Variants in DCHS2 observed in about 807,000 individuals in gnomAD.
The protein encoded by DCHS2 is dachsous cadherin-related 2.
Under a neutral mutation model 182.4 loss-of-function variants are expected in DCHS2, and 142 were observed. The ratio of observed to expected loss-of-function variants is 0.78; its 90% CI spans 0.68 to 0.89. DCHS2 has a LOEUF of 0.89. DCHS2 is among the 40% of genes least tolerant of loss of function. The probability of loss-of-function intolerance (pLI) is 0.00; values close to 1 mark genes in which losing one functional copy is unlikely to be tolerated. For synonymous variants in DCHS2, 1,740 were observed against 1,663.3 expected (o/e 1.05, Z -1.12); for missense variants, 4,319 against 4,198.6 (o/e 1.03, Z -0.79).
At chr4:154,430,064 G>A (rs1018719493) in intron 1 of DCHS2, among the ~76,000 whole-genome samples, 2 of 152,192 alleles carry the variant, frequency 1.3e-5, no homozygotes, top group African/African-American at 2.4e-5. Flanking sequence ...AGTAATGTAG[G>A]TGTCTCCTAA....
intron 1 of DCHS2, among the ~76,000 whole-genome samples, chr4:154,442,666 G>C (rs1420362709): frequency 6.6e-6 from 1 of 151,278 alleles, no homozygotes; most frequent in East Asian, 2.0e-4. Flanking sequence ...CCTCTTTGCT[G>C]CTTCCAAGCT....
intron 14 of DCHS2, among the ~76,000 whole-genome samples, chr4:154,262,605 G>A (rs1332757990): frequency 1.3e-5 from 2 of 152,124 alleles, no homozygotes; most frequent in Non-Finnish European, 2.9e-5. Context: ...TTTTGACAAA[G>A]TTATGAAATA....
chr4:154,333,512 GA>G lies in DCHS2; in HGVS notation c.2714-19del. On this transcript the variant is annotated intron_variant, in intron 4 of 19. Coordinates refer to ENST00000357232, the MANE Select transcript of DCHS2 (RefSeq NM_001358235.2). ...TGAGGAGTCTGAAAAAGAGAGAGGG[GA>G]CAACCACTGTATGTCAAAAGGGTGG... is the stretch of plus-strand genomic sequence containing the variant. 1 of 1,590,894 alleles carries G rather than the reference GA, an allele frequency of 6.3e-7. No individual in the cohort carries two copies. The highest frequency in any genetic ancestry group is 1.7e-4 in the Middle Eastern group (1 of 5,982).
In DCHS2 at chr4:154,334,919, C is replaced by T. The variant is rs750432736; in HGVS notation, c.2662G>A (p.Asp888Asn). Residue 888 changes from aspartate to asparagine, a missense_variant, in exon 4 of 20, where the codon GAT (aspartate) becomes AAT (asparagine). Asp to Asn is a conservative substitution (Grantham distance 23). Coordinates refer to ENST00000357232, the MANE Select transcript of DCHS2 (RefSeq NM_001358235.2). The part of the protein sequence containing the change: ...RPKYTFLVYE[D>N]VPEDSPIGTV... ...CCAATGGGACTATCTTCAGGCACAT[C>T]TTCATAAACTAAGAAAGTGTACTTA... 2 of 1,614,080 alleles carry T rather than the reference C, an allele frequency of 1.2e-6. No individual in the cohort carries two copies. Among genetic ancestry groups the T allele is most frequent in the African/African-American group, 1.3e-5 (1 of 74,934 alleles).
intron 1 of DCHS2, among the ~76,000 whole-genome samples, chr4:154,451,235 A>G (rs1453311769): frequency 6.6e-6 from 1 of 152,204 alleles, no homozygotes; most frequent in Non-Finnish European, 1.5e-5. Context: ...TAGGTGAATC[A>G]CAGCACAAGC....
intron 1 of DCHS2, among the ~76,000 whole-genome samples, chr4:154,393,160 G>A (rs2110853447): frequency 6.6e-6 from 1 of 152,286 alleles, no homozygotes; most frequent in East Asian, 1.9e-4. Context: ...ACAGCTATAT[G>A]ATTAATACCT....
intron 15 of DCHS2, among the ~76,000 whole-genome samples, chr4:154,256,926 C>T (rs1732707664): frequency 6.6e-6 from 1 of 152,100 alleles, no homozygotes; most frequent in Non-Finnish European, 1.5e-5. Context: ...CCTTTGGGAT[C>T]ACCAAGAAAA....
At chr4:154,384,767 C>T (rs939919085) in intron 1 of DCHS2, among the ~76,000 whole-genome samples, 1 of 152,002 alleles carries the variant, frequency 6.6e-6, no homozygotes. Context: ...TCAAGGAACA[C>T]CGACAGCCAC....
intron 1 of DCHS2, among the ~76,000 whole-genome samples, chr4:154,432,787 C>T (rs892876546): frequency 1.3e-5 from 2 of 152,160 alleles, no homozygotes; most frequent in Non-Finnish European, 2.9e-5. Flanking sequence ...GGTTCCTTTG[C>T]TTCTGGAGTG....
chr4:154,367,328 C>A (rs1165524368), intron 2 of DCHS2, among the ~76,000 whole-genome samples: 1 of 152,124 alleles, frequency 6.6e-6, no homozygotes, highest in Non-Finnish European at 1.5e-5. Flanking sequence ...CAGGAGGAGG[C>A]TCTTTGAATC....
At chr4:154,309,597 A>T (rs1735593356) in intron 10 of DCHS2, among the ~76,000 whole-genome samples, 1 of 152,170 alleles carries the variant, frequency 6.6e-6, no homozygotes, top group Non-Finnish European at 1.5e-5. Flanking sequence ...ACCTGTTTGT[A>T]GCATCTATTC....
chr4:154,235,878 A>T lies in DCHS2; in HGVS notation c.8774T>A (p.Phe2925Tyr). 1 of 1,614,076 alleles carries T rather than the reference A, an allele frequency of 6.2e-7. No homozygotes were observed. The highest frequency in any genetic ancestry group is 1.1e-5 in the South Asian group (1 of 91,084). The change falls in exon 20 of 20, where the codon TTC becomes TAC. Residue 2925 changes from phenylalanine to tyrosine, a missense_variant. Phe to Tyr is a conservative substitution (Grantham distance 22). Coordinates refer to ENST00000357232, the MANE Select transcript of DCHS2 (RefSeq NM_001358235.2). ...ILYSLGTSSP[F>Y]FSVNKTNGNI... is the part of the protein sequence containing the mutation. ...TCCATTGGTTTTATTTACTGAAAAGAAAGGAGATGAGGTTCCAAGGGAGTA... is the reference window on the plus strand; with the variant it reads ...TCCATTGGTTTTATTTACTGAAAAGTAAGGAGATGAGGTTCCAAGGGAGTA...
intron 14 of DCHS2, among the ~76,000 whole-genome samples, chr4:154,263,780 T>A (rs1183815027): frequency 6.6e-6 from 1 of 151,576 alleles, no homozygotes; most frequent in African/African-American, 2.4e-5. Context: ...GTGTAGATAT[T>A]AAAGAACAAA....
intron 2 of DCHS2, chr4:154,373,804 A>T: frequency 1.3e-6 from 1 of 794,258 alleles, no homozygotes; most frequent in Non-Finnish European, 2.1e-6. Context: ...AATCACAGCC[A>T]AGATGGAGAA....
chr4:154,486,430 T>C (rs1381205049), intron 1 of DCHS2: 1 of 1,304,624 alleles, frequency 7.7e-7, no homozygotes, highest in Non-Finnish European at 1.0e-6. Flanking sequence ...CATGGTATTA[T>C]CTTACAGGAA....
At chr4:154,402,075 A>C (rs752350456) in intron 1 of DCHS2, among the ~76,000 whole-genome samples, 1 of 152,226 alleles carries the variant, frequency 6.6e-6, no homozygotes, top group Admixed American at 6.5e-5. Flanking sequence ...ATTAATTTTC[A>C]TGTACAGTGT....
intron 1 of DCHS2, among the ~76,000 whole-genome samples, chr4:154,457,830 T>G (rs1484231064): frequency 6.6e-6 from 1 of 152,142 alleles, no homozygotes; most frequent in Non-Finnish European, 1.5e-5. Flanking sequence ...GCACGAGAAT[T>G]TGCATTTTTA....
In DCHS2 at chr4:154,490,061, G is replaced by C. The variant is rs963522517; in HGVS notation, c.1295C>G (p.Pro432Arg). The C allele has an allele frequency of 6.5e-7, 1 of 1,548,618 alleles. No homozygotes were observed. Among genetic ancestry groups the C allele is most frequent in the African/African-American group, 1.4e-5 (1 of 72,950 alleles). ...CGAGACGCGAGCCACGTAGTCGCCC[G>C]GTCGGGCGCCTTCAGAGACACGGGC... is the stretch of plus-strand genomic sequence containing the variant. Reference protein sequence around the residue: ...GVARVSEGARPGDYVARVSVS... With the variant: ...GVARVSEGARRGDYVARVSVS... The change falls in exon 1 of 20, where the codon CCG (proline) becomes CGG (arginine). Residue 432 changes from proline to arginine, a missense_variant. Pro to Arg is a moderately radical substitution (Grantham distance 103). Coordinates refer to ENST00000357232, the MANE Select transcript of DCHS2 (RefSeq NM_001358235.2).
At chr4:154,404,391 A>G (rs1732314712) in intron 1 of DCHS2, among the ~76,000 whole-genome samples, 1 of 152,216 alleles carries the variant, frequency 6.6e-6, no homozygotes, top group Non-Finnish European at 1.5e-5. Flanking sequence ...AACATAGTCT[A>G]TGACTTCAAT....
Sources: gnomAD v4.1 joint callset for allele counts (sites outside exome capture counted in the v4.1 genomes callset) on GRCh38, gnomAD v4.1.1 for gene constraint, MANE v1.5 for transcripts, NCBI Gene and HGNC (gene_info 2026-07-23, HGNC 2026-07-21) for gene names.